Variants in PTGS1 observed in about 807,000 individuals in gnomAD.
The protein encoded by PTGS1 is prostaglandin-endoperoxide synthase 1.
A neutral mutation model predicts 63.0 loss-of-function variants in PTGS1; 40 were observed. The ratio of observed to expected loss-of-function variants is 0.63; its 90% confidence interval spans 0.49 to 0.83. The LOEUF is 0.83. Among genes scored for constraint, PTGS1 ranks in the 40% least tolerant of loss-of-function variants. The pLI is 0.00. For missense variants in PTGS1, 709 were observed against 786.5 expected (o/e 0.90, Z 1.18); for synonymous variants, 298 against 301.9 (o/e 0.99, Z 0.13).
chr9:122,389,575 G>T (rs899482545), intron 9 of PTGS1, among the ~76,000 whole-genome samples: 3 of 152,122 alleles, frequency 2.0e-5, no homozygotes, highest in East Asian at 3.9e-4. Flanking sequence ...TTCACAGGGG[G>T]TTACACTACC....
intron 2 of PTGS1, among the ~76,000 whole-genome samples, chr9:122,373,213 A>T (rs1016150531): frequency 5.3e-5 from 8 of 152,232 alleles, no homozygotes; most frequent in Non-Finnish European, 1.2e-4. Context: ...ATGAGACTGG[A>T]GGCCAGAAAA....
intron 10 of PTGS1, among the ~76,000 whole-genome samples, chr9:122,391,700 C>G (rs1159243016): frequency 6.6e-6 from 1 of 150,772 alleles, no homozygotes; most frequent in East Asian, 1.9e-4. Flanking sequence ...ATTCTTTACT[C>G]TCCCATGACA....
upstream of PTGS1, chr9:122,370,810 T>C: frequency 1.7e-6 from 1 of 596,694 alleles, no homozygotes; most frequent in South Asian, 2.1e-5. Flanking sequence ...CTCAGTTTCC[T>C]GTCTATATCT....
rs1467934468 is a variant in PTGS1, at chr9:122,381,678, C to T, written c.693C>T (p.His231=). 6.2e-7 allele frequency: 1 copy of T among 1,614,188 alleles called. No homozygotes were observed. The highest frequency in any genetic ancestry group is 1.1e-5 in the South Asian group (1 of 91,090). ...TCTGTCCACAGGTAGACCTCGGCCA[C>T]ATTTATGGAGACAATCTGGAGCGTC... ...KALGHGVDLG[H]IYGDNLERQY... The change falls in exon 7 of 11, where the codon CAC becomes CAT. Residue 231 remains histidine, a synonymous_variant. Transcript: ENST00000362012.
At chr9:122,375,738 G>A (rs1837100683) in intron 2 of PTGS1, among the ~76,000 whole-genome samples, 2 of 152,156 alleles carry the variant, frequency 1.3e-5, no homozygotes, top group African/African-American at 4.8e-5. Flanking sequence ...TGGAGGAAAT[G>A]TATTAAGGAG....
At chr9:122,382,671 G>A (rs756054739) in intron 7 of PTGS1, among the ~76,000 whole-genome samples, 13 of 152,182 alleles carry the variant, frequency 8.5e-5, no homozygotes, top group East Asian at 3.8e-4. Flanking sequence ...ATATTGGATC[G>A]TACAAATCTT....
intron 7 of PTGS1, among the ~76,000 whole-genome samples, chr9:122,382,346 CT>C (rs1837578982): frequency 6.6e-6 from 1 of 152,124 alleles, no homozygotes; most frequent in South Asian, 2.1e-4. Context: ...ATGTCACATT[CT>C]TTTTTCATGC....
In PTGS1 at chr9:122,381,381, G is replaced by A. The variant is rs1348149589; in HGVS notation, c.507G>A (p.Gln169=). Residue 169 remains glutamine (Q), a synonymous_variant, in exon 6 of 11, where the codon CAG becomes CAA. Coordinates refer to ENST00000362012, the MANE Select transcript of PTGS1 (RefSeq NM_000962.4). ...CTACCCCCCAACCAGGGAAGAAGCA[G>A]TTGCCAGATGCCCAGCTCCTGGCCC... ...PTPMGTKGKK[Q]LPDAQLLARR... is the part of the protein sequence containing the mutation. 2 of 1,613,908 alleles carry A rather than the reference G, an allele frequency of 1.2e-6. No individual in the cohort carries two copies. Among genetic ancestry groups the A allele is most frequent in the Non-Finnish European group, 1.7e-6 (2 of 1,179,972 alleles).
rs895739933 is a variant in PTGS1 at position 122,388,215 on chromosome 9, C to CT, written c.1296+1492dup. Among the ~76,000 whole-genome samples, 64 of 151,520 alleles carry CT rather than the reference C, an allele frequency of 4.2e-4. 1 individual carries two copies. The highest frequency in any genetic ancestry group is 1.3e-3 in the African/African-American group (53 of 41,366). ...ACTGTCAAGATTTTTTTTCTTTTTTCTTTTTTTTTAAATAGAGATGGGGTT... is the reference window on the plus strand; with the variant it reads ...ACTGTCAAGATTTTTTTTCTTTTTTCTTTTTTTTTTAAATAGAGATGGGGTT... On this transcript the variant is annotated intron_variant, in intron 9 of 10. Coordinates refer to ENST00000362012, the MANE Select transcript of PTGS1 (RefSeq NM_000962.4).
intron 2 of PTGS1, among the ~76,000 whole-genome samples, chr9:122,376,639 G>A (rs1343669119): frequency 6.6e-6 from 1 of 152,176 alleles, no homozygotes; most frequent in African/African-American, 2.4e-5. Context: ...CATATTCCCT[G>A]TAACGTTGGC....
In PTGS1 at chr9:122,392,616, A is replaced by G; in HGVS notation, c.*72A>G. On this transcript the variant is annotated 3_prime_UTR_variant, in exon 11 of 11. Transcript: ENST00000362012. ...TTCCAGAGTGCTGAGGCCAGGGCTG[A>G]TGGTCTTAAATGCTCATTTTCTGGT... 7.4e-7 allele frequency: 1 copy of G among 1,354,536 alleles called. No individual in the cohort carries two copies. The highest frequency in any genetic ancestry group is 1.0e-6 in the Non-Finnish European group (1 of 986,012). The allele number at this position is 1,354,536 out of a possible 1,614,324, so 83.9% of individuals were successfully genotyped here.
intron 9 of PTGS1, among the ~76,000 whole-genome samples, chr9:122,388,640 T>A (rs1414435147): frequency 6.6e-6 from 1 of 152,200 alleles, no homozygotes; most frequent in African/African-American, 2.4e-5. Flanking sequence ...AAGTCTGAAT[T>A]CAAGGTGTCA....
At chr9:122,377,475 C>A (rs78673770) in intron 2 of PTGS1, among the ~76,000 whole-genome samples, 6 of 151,466 alleles carry the variant, frequency 4.0e-5, no homozygotes, top group Admixed American at 6.6e-5. Flanking sequence ...ACCGCCCCCC[C>A]ACCCCCCGCC....
At chr9:122,375,215 G>T in intron 2 of PTGS1, 2 of 828,578 alleles carry the variant, frequency 2.4e-6, no homozygotes, top group Non-Finnish European at 2.9e-6. Context: ...GGGGGAGGCG[G>T]GAGGGGGGAA....
chr9:122,392,212 T>A lies in PTGS1; in HGVS notation c.1468T>A (p.Leu490Met). The A allele has an allele frequency of 6.3e-7, 1 of 1,594,938 alleles. No homozygotes were observed. Among genetic ancestry groups the A allele is most frequent in the Non-Finnish European group, 8.6e-7 (1 of 1,165,740 alleles). Residue 490 changes from leucine to methionine, a missense_variant, in exon 11 of 11, where the codon TTG becomes ATG. Transcript: ENST00000362012. ...AGGAGAGAAGGAGATGGCAGCAGAG[T>A]TGGAGGAATTGTATGGAGACATTGA... ...LVGEKEMAAE[L>M]EELYGDIDAL...
chr9:122,381,875 C>T, intron 7 of PTGS1, 128 bp downstream of exon 7: 1 of 934,250 alleles, frequency 1.1e-6, no homozygotes, highest in Non-Finnish European at 1.6e-6. Context: ...AAGCTTGTGC[C>T]AGGAGCGACA....
rs145832816 is a variant in PTGS1, at chr9:122,386,450, G to T, written c.1014G>T (p.Glu338Asp). 6.2e-7 allele frequency: 1 copy of T among 1,614,104 alleles called. No individual in the cohort carries two copies. Residue 338 changes from glutamate (E) to aspartate (D), a missense_variant, in exon 9 of 11, where the codon GAG becomes GAT. Glu to Asp is a conservative substitution (Grantham distance 45). Transcript: ENST00000362012. ...FQTTRLILIG[E>D]TIKIVIEEYV... ...TTCCAATCCTGCCCTGCCCAGGGGAGACCATCAAGATTGTCATCGAGGAGT... is the reference window on the plus strand; with the variant it reads ...TTCCAATCCTGCCCTGCCCAGGGGATACCATCAAGATTGTCATCGAGGAGT...
At chr9:122,384,297 T>C (rs886561158) in intron 8 of PTGS1, among the ~76,000 whole-genome samples, 2 of 152,208 alleles carry the variant, frequency 1.3e-5, no homozygotes, top group Non-Finnish European at 2.9e-5. Flanking sequence ...GATGGTTTCC[T>C]GCCTGGGAGC....
rs1837681234 is a variant in PTGS1 at position 122,383,669 on chromosome 9, A to C, written c.923A>C (p.His308Pro). The part of the protein sequence containing the change: ...MLYATLWLRE[H>P]NRVCDLLKAE... ...TATGCCACGCTCTGGCTACGTGAGC[A>C]CAACCGTGTGTGTGACCTGCTGAAG... is the stretch of plus-strand genomic sequence containing the variant. The change falls in exon 8 of 11, where the codon CAC becomes CCC. Residue 308 changes from histidine (H) to proline (P), a missense_variant. Transcript: ENST00000362012. The C allele has an allele frequency of 6.2e-7, 1 of 1,613,992 alleles. No individual in the cohort carries two copies. The highest frequency in any genetic ancestry group is 1.1e-5 in the South Asian group (1 of 91,084).
Sources: allele counts gnomAD v4.1 joint callset (sites outside exome capture counted in the v4.1 genomes callset), GRCh38; gene constraint gnomAD v4.1.1; transcripts MANE v1.5; gene names NCBI Gene and HGNC (gene_info 2026-07-23, HGNC 2026-07-21).